MPHOSPH9: variants seen among roughly 807,000 people sequenced by gnomAD.
The protein encoded by MPHOSPH9 is M-phase phosphoprotein 9.
A neutral mutation model predicts 145.5 loss-of-function variants in MPHOSPH9; 88 were observed. The observed-to-expected ratio is 0.60, with a 90% CI of 0.51 to 0.72. The LOEUF is 0.72. MPHOSPH9 is among the 30% of genes least tolerant of loss of function. The pLI is 0.00. For missense variants in MPHOSPH9, 1,238 were observed against 1,386.6 expected, an observed-to-expected ratio of 0.89 and a Z score of 1.70; for synonymous variants, 435 against 486.2, an observed-to-expected ratio of 0.89 and a Z score of 1.39.
chr12:123,154,018 G>A (rs1429890111), downstream of MPHOSPH9, among the ~76,000 whole-genome samples: 1 of 152,098 alleles, frequency 6.6e-6, no homozygotes, highest in Non-Finnish European at 1.5e-5. Context: ...CCCTAGCACG[G>A]CCACTTTAGC....
At position 123,203,024 on chromosome 12, in the gene MPHOSPH9, G is replaced by A; in HGVS notation, c.1381C>T (p.Pro461Ser). The change falls in exon 10 of 24, where the codon CCT becomes TCT. Residue 461 changes from proline (P) to serine (S), a missense_variant. Physicochemically the swap from Pro to Ser is moderately conservative, Grantham distance 74. This residue lies in a region of MPHOSPH9 where 837 missense variants were observed against 897.5 expected (regional missense o/e 0.93). Coordinates refer to ENST00000606320, the MANE Select transcript of MPHOSPH9 (RefSeq NM_022782.4). ...KPKQQISGIQPHGLPNALDDR... is the reference protein window; with the variant it reads ...KPKQQISGIQSHGLPNALDDR... ...TCAAGGGCATTCGGAAGGCCGTGAG[G>A]TTGAATCCCTGAAATCTGCTGCTTT... is the stretch of plus-strand genomic sequence containing the variant. The A allele has an allele frequency of 1.2e-6, 2 of 1,614,186 alleles. No individual in the cohort carries two copies. The highest frequency in any genetic ancestry group is 1.7e-5 in the Admixed American group (1 of 59,994).
At chr12:123,224,324 C>T (rs1218958753) in intron 3 of MPHOSPH9, among the ~76,000 whole-genome samples, 3 of 151,694 alleles carry the variant, frequency 2.0e-5, no homozygotes, top group Admixed American at 6.6e-5. Flanking sequence ...TTAGTGGAGA[C>T]GGGGTTTCAC....
chr12:123,166,090 A>C (rs1161093253), intron 17 of MPHOSPH9, among the ~76,000 whole-genome samples: 2 of 152,042 alleles, frequency 1.3e-5, no homozygotes, highest in Non-Finnish European at 2.9e-5. Flanking sequence ...GAGCCATCTG[A>C]AGTGGGAGAG....
rs531403387 is a variant in MPHOSPH9 at position 123,177,098 on chromosome 12, G to A, written c.2355-309C>T. Among the ~76,000 whole-genome samples the A allele has an allele frequency of 1.7e-4, 26 of 152,158 alleles. No homozygotes were observed. The South Asian group carries it at 2.9e-3, about 17-fold the overall frequency. ...CCAGCTACTCGGGGGGCTGAGGCAGGAGAATCACTTGAACCAGGGAGGTGG... is the reference window on the plus strand; with the variant it reads ...CCAGCTACTCGGGGGGCTGAGGCAGAAGAATCACTTGAACCAGGGAGGTGG... On this transcript the variant is annotated intron_variant, in intron 15 of 23. Coordinates refer to ENST00000606320, the MANE Select transcript of MPHOSPH9 (RefSeq NM_022782.4).
At chr12:123,164,111 G>C (rs748828490) in intron 18 of MPHOSPH9, 21 bp from the exon 19 acceptor site, 3 of 1,612,666 alleles carry the variant, frequency 1.9e-6, no homozygotes, top group South Asian at 2.2e-5. Flanking sequence ...CCAAAAAAAA[G>C]CAAAACAAAA....
In MPHOSPH9 at chr12:123,162,187, C is replaced by T. The variant is rs752545389; in HGVS notation, c.3061G>A (p.Val1021Ile). 6.4e-7 allele frequency: 1 copy of T among 1,564,192 alleles called. No individual in the cohort carries two copies. The highest frequency in any genetic ancestry group is 1.8e-5 in the Admixed American group (1 of 56,528). Reference protein sequence around the residue: ...FDILLDDLDTVPVSTLQRTNP... With the variant: ...FDILLDDLDTIPVSTLQRTNP... The stretch of plus-strand genomic sequence containing the variant: ...GTACGTTGTAATGTAGACACAGGAA[C>T]AGTATCTAAATCATCCAAAAGTATA... Residue 1021 changes from valine to isoleucine, a missense_variant, in exon 21 of 24, where the codon GTT becomes ATT. Around this residue, in one of 3 missense-constraint regions of MPHOSPH9, gnomAD observed 393 missense variants for 462.5 expected, o/e 0.85. Coordinates refer to ENST00000606320, the MANE Select transcript of MPHOSPH9 (RefSeq NM_022782.4).
At chr12:123,226,360 T>C in intron 3 of MPHOSPH9, 2 of 1,163,630 alleles carry the variant, frequency 1.7e-6, no homozygotes, top group South Asian at 3.2e-5. Context: ...TTCTGAAAAA[T>C]AACACAAATT....
chr12:123,208,355 G>A (rs1432639977), intron 8 of MPHOSPH9, among the ~76,000 whole-genome samples: 1 of 151,484 alleles, frequency 6.6e-6, no homozygotes, highest in Non-Finnish European at 1.5e-5. Flanking sequence ...TGACCAACAT[G>A]GTGAAACCCC....
chr12:123,224,009 A>C (rs1003850882), intron 3 of MPHOSPH9, among the ~76,000 whole-genome samples: 1 of 151,322 alleles, frequency 6.6e-6, no homozygotes, highest in African/African-American at 2.4e-5. Context: ...ATCTGGGCTC[A>C]CTGCAACCTC....
Position 123,166,648 on chromosome 12 carries a change from A to T in MPHOSPH9, c.2591+7T>A, listed in dbSNP as rs766899583. ...CCTAAATAGAATCTTTAGCAAAGTT[A>T]TCTCACCCTAGGCTACAGGTTTCCT... On this transcript the variant is annotated splice_region_variant and intron_variant, in intron 17 of 23. Transcript: ENST00000606320. 6.2e-7 allele frequency: 1 copy of T among 1,610,038 alleles called. No individual in the cohort carries two copies. Among genetic ancestry groups the T allele is most frequent in the Non-Finnish European group, 8.5e-7 (1 of 1,179,032 alleles).
At chr12:123,235,566 G>T (rs529833642), upstream of MPHOSPH9, among the ~76,000 whole-genome samples, 5 of 151,214 alleles carry the variant, frequency 3.3e-5, no homozygotes, top group South Asian at 6.3e-4. Flanking sequence ...TAGAGATGGG[G>T]TTTCACCGTG....
At chr12:123,166,531 G>T in intron 17 of MPHOSPH9, 124 bp downstream of exon 17, 1 of 1,081,504 alleles carries the variant, frequency 9.2e-7, no homozygotes, top group Non-Finnish European at 1.4e-6. Context: ...TAAAATAAAA[G>T]TCAGGTTCTC....
chr12:123,229,268 C>T (rs1207700494), intron 2 of MPHOSPH9, among the ~76,000 whole-genome samples: 3 of 152,100 alleles, frequency 2.0e-5, no homozygotes, highest in Admixed American at 1.3e-4. Flanking sequence ...ACAGTCCTTG[C>T]CTCTTTGCTG....
intron 13 of MPHOSPH9, among the ~76,000 whole-genome samples, chr12:123,189,215 C>A (rs1175335725): frequency 6.6e-6 from 1 of 152,160 alleles, no homozygotes; most frequent in Non-Finnish European, 1.5e-5. Context: ...TAGCTGACAG[C>A]CACCATTCAT....
At chr12:123,215,686 C>G (rs1486709545) in intron 6 of MPHOSPH9, among the ~76,000 whole-genome samples, 2 of 152,138 alleles carry the variant, frequency 1.3e-5, no homozygotes, top group African/African-American at 4.8e-5. Context: ...ATCTCTGACA[C>G]TGTCGCAAGA....
At chr12:123,223,537 C>A (rs1207081838) in intron 3 of MPHOSPH9, among the ~76,000 whole-genome samples, 2 of 152,162 alleles carry the variant, frequency 1.3e-5, no homozygotes, top group Non-Finnish European at 2.9e-5. Context: ...GCCTCACGGG[C>A]ATCCTCTGTT....
At chr12:123,225,490 G>C (rs1314775176) in intron 3 of MPHOSPH9, among the ~76,000 whole-genome samples, 1 of 122,558 alleles carries the variant, frequency 8.2e-6, no homozygotes, top group Admixed American at 1.0e-4. Context: ...GAATGAAAGA[G>C]GAGAAAAAGA....
intron 3 of MPHOSPH9, among the ~76,000 whole-genome samples, chr12:123,226,733 A>C (rs1437816061): frequency 6.6e-6 from 1 of 151,824 alleles, no homozygotes; most frequent in Non-Finnish European, 1.5e-5. Context: ...GGTTGAAGTG[A>C]TCCTCCCACA....
chr12:123,154,047 T>C (rs1261759030), downstream of MPHOSPH9, among the ~76,000 whole-genome samples: 1 of 152,112 alleles, frequency 6.6e-6, no homozygotes, highest in East Asian at 1.9e-4. Flanking sequence ...TTGCTTCAGT[T>C]GGAAAAGTCC....
Sources: allele counts gnomAD v4.1 joint callset (sites outside exome capture counted in the v4.1 genomes callset), GRCh38; gene constraint gnomAD v4.1.1; regional missense constraint gnomAD v4.1.1; transcripts MANE v1.5; gene names NCBI Gene and HGNC (gene_info 2026-07-23, HGNC 2026-07-21).